DGKB: variants seen among roughly 807,000 people sequenced by gnomAD.
DGKB encodes the protein diacylglycerol kinase beta.
A neutral mutation model predicts 114.3 loss-of-function variants in DGKB; 67 were observed. The observed-to-expected ratio is 0.59, with a 90% CI of 0.48 to 0.72. DGKB has a LOEUF of 0.72. Among genes scored for constraint, DGKB ranks in the 30% least tolerant of loss-of-function variants. The probability of loss-of-function intolerance (pLI) is 0.00; values close to 1 mark genes in which losing one functional copy is unlikely to be tolerated. For synonymous variants in DGKB, 398 were observed against 323.1 expected, an observed-to-expected ratio of 1.23 and a Z score of -2.49; for missense variants, 907 against 975.2, an observed-to-expected ratio of 0.93 and a Z score of 0.93.
chr7:14,631,115 GTC>G (rs1351067920), intron 13 of DGKB, among the ~76,000 whole-genome samples: 1 of 151,628 alleles, frequency 6.6e-6, no homozygotes, highest in Non-Finnish European at 1.5e-5. Flanking sequence ...GAAGGAGGTA[GTC>G]AGAATTCCCT....
At chr7:14,663,337 T>C (rs1375887817) in intron 13 of DGKB, among the ~76,000 whole-genome samples, 4 of 152,016 alleles carry the variant, frequency 2.6e-5, no homozygotes, top group Admixed American at 2.0e-4. Flanking sequence ...TTATAGGTGG[T>C]TTATCAATAG....
intron 19 of DGKB, among the ~76,000 whole-genome samples, chr7:14,579,838 G>T (rs1429211851): frequency 3.3e-5 from 5 of 151,976 alleles, no homozygotes; most frequent in Non-Finnish European, 4.4e-5. Flanking sequence ...TTTCCATTCA[G>T]CATGTCTGGG....
chr7:14,866,842 C>A (rs968877925), intron 1 of DGKB, among the ~76,000 whole-genome samples: 1 of 152,114 alleles, frequency 6.6e-6, no homozygotes, highest in African/African-American at 2.4e-5. Flanking sequence ...TTTTGCTTCC[C>A]ACCAGCAATG....
chr7:14,455,989 C>A (rs1383124448), intron 21 of DGKB, among the ~76,000 whole-genome samples: 1 of 151,912 alleles, frequency 6.6e-6, no homozygotes, highest in Non-Finnish European at 1.5e-5. Flanking sequence ...ACAGGTTTAG[C>A]ATTTCTAATC....
chr7:14,860,128 C>A (rs1343137310), intron 1 of DGKB, among the ~76,000 whole-genome samples: 5 of 152,004 alleles, frequency 3.3e-5, no homozygotes, highest in Admixed American at 2.0e-4. Flanking sequence ...ACTCTAACAA[C>A]AATATGCCAA....
At chr7:14,673,345 G>A (rs1176293739) in intron 12 of DGKB, among the ~76,000 whole-genome samples, 2 of 148,578 alleles carry the variant, frequency 1.3e-5, no homozygotes, top group Middle Eastern at 3.3e-3. Flanking sequence ...GTCCATTACA[G>A]TTCTTCCTTT....
chr7:14,692,261 C>T (rs999884416), intron 9 of DGKB, among the ~76,000 whole-genome samples: 2 of 152,096 alleles, frequency 1.3e-5, no homozygotes, highest in Non-Finnish European at 2.9e-5. Flanking sequence ...TTCTATCTCA[C>T]CCTCGACTAC....
At chr7:14,790,284 G>A (rs1360986268) in intron 2 of DGKB, among the ~76,000 whole-genome samples, 1 of 152,114 alleles carries the variant, frequency 6.6e-6, no homozygotes, top group East Asian at 1.9e-4. Context: ...AAGACCACGA[G>A]TTTTTTATTT....
At chr7:14,169,059 G>A (rs1780418447) in intron 25 of DGKB, among the ~76,000 whole-genome samples, 2 of 152,048 alleles carry the variant, frequency 1.3e-5, no homozygotes, top group African/African-American at 4.8e-5. Flanking sequence ...AAGACTAGAT[G>A]AAAGAAATGC....
chr7:14,151,468 A>T lies in DGKB; in HGVS notation c.2305-2230T>A, dbSNP rs568076066. 5.6e-3 allele frequency among the ~76,000 whole-genome samples: 653 copies of T among 117,416 alleles called. 6 individuals carry two copies. Among genetic ancestry groups the T allele is most frequent in the African/African-American group, 0.03 (570 of 19,058 alleles). 77.0% of individuals were successfully genotyped at this position (117,416 alleles called of 152,430 possible). A position where few individuals can be genotyped will look rare whatever the true frequency, so the allele number is the denominator to read the frequency against. ...ACTATTCTTATATTAAAAACTTTTT[A>T]AAAAAAAAAATTACATGATTTTATG... On this transcript the variant is annotated intron_variant, in intron 25 of 25. Transcript: ENST00000402815.
chr7:14,824,929 G>A (rs1845444609), intron 2 of DGKB, among the ~76,000 whole-genome samples: 1 of 147,692 alleles, frequency 6.8e-6, no homozygotes, highest in South Asian at 2.1e-4. Context: ...CACATAAACT[G>A]AAGCCAAACT....
At chr7:14,969,581 T>C (rs1450928787) in intron 1 of DGKB, among the ~76,000 whole-genome samples, 1 of 152,098 alleles carries the variant, frequency 6.6e-6, no homozygotes, top group Admixed American at 6.5e-5. Context: ...AGCATTAGAT[T>C]CTCACAGGAG....
chr7:14,428,573 A>G lies in DGKB; in HGVS notation c.1835+49588T>C, dbSNP rs1013199981. Among the ~76,000 whole-genome samples, 4 of 152,058 alleles carry G rather than the reference A, an allele frequency of 2.6e-5. No individual in the cohort carries two copies. The East Asian group carries it at 5.8e-4, about 22-fold the overall frequency. On this transcript the variant is annotated intron_variant, in intron 21 of 25. Coordinates refer to ENST00000402815, the MANE Select transcript of DGKB (RefSeq NM_001350709.2). ...TCTTTTTCTCTTTTTGTTTTCCCAC[A>G]TTATTGTATAGAGCCTATACTTGTT... is the stretch of plus-strand genomic sequence containing the variant.
chr7:14,766,561 C>A (rs573981627), intron 2 of DGKB, among the ~76,000 whole-genome samples: 1 of 151,744 alleles, frequency 6.6e-6, no homozygotes, highest in African/African-American at 2.4e-5. Flanking sequence ...TTTTATATTT[C>A]ATAAATATAT....
intron 23 of DGKB, among the ~76,000 whole-genome samples, chr7:14,327,690 G>A (rs1291809613): frequency 6.6e-6 from 1 of 151,990 alleles, no homozygotes; most frequent in African/African-American, 2.4e-5. Flanking sequence ...TTGACTCCTT[G>A]CTTCCCACTA....
intron 20 of DGKB, among the ~76,000 whole-genome samples, chr7:14,491,025 G>T (rs1428903531): frequency 6.6e-6 from 1 of 151,672 alleles, no homozygotes; most frequent in Non-Finnish European, 1.5e-5. Context: ...GAGTTTAAGG[G>T]GCTTTCTAGA....
chr7:14,335,538 A>T (rs1164554293), intron 23 of DGKB, among the ~76,000 whole-genome samples: 1 of 152,188 alleles, frequency 6.6e-6, no homozygotes, highest in Non-Finnish European at 1.5e-5. Flanking sequence ...ACAAGAAGAA[A>T]ATTACGTTAA....
At chr7:14,291,470 T>A (rs865847049) in intron 23 of DGKB, among the ~76,000 whole-genome samples, 2 of 152,190 alleles carry the variant, frequency 1.3e-5, no homozygotes, top group African/African-American at 4.8e-5. Flanking sequence ...AGGTCTAAAA[T>A]ATCTTCTCAG....
At chr7:14,643,151 A>C (rs189121530) in intron 13 of DGKB, among the ~76,000 whole-genome samples, 1 of 152,294 alleles carries the variant, frequency 6.6e-6, no homozygotes, top group Non-Finnish European at 1.5e-5. Flanking sequence ...TGGCACAATA[A>C]AAATAAAAGC....
Sources: gnomAD v4.1 joint callset for allele counts (sites outside exome capture counted in the v4.1 genomes callset) on GRCh38, gnomAD v4.1.1 for gene constraint, MANE v1.5 for transcripts, NCBI Gene and HGNC (gene_info 2026-07-23, HGNC 2026-07-21) for gene names.